PRKDC: variants seen among roughly 807,000 people sequenced by gnomAD.
PRKDC encodes protein kinase, DNA-activated, catalytic subunit, also known as DNA-dependent protein kinase catalytic subunit.
Under a neutral mutation model 486.9 loss-of-function variants are expected in PRKDC, and 82 were observed. The observed-to-expected ratio is 0.17, with a 90% CI of 0.14 to 0.20. The LOEUF (loss-of-function observed/expected upper bound fraction) is 0.20, where lower values mean the gene tolerates loss of function less well. Ranked by LOEUF, PRKDC falls within the 10% of genes least tolerant of loss-of-function variation. The pLI is 1.00. For missense variants in PRKDC, 4,504 were observed against 5,038.2 expected, an observed-to-expected ratio of 0.89 and a Z score of 3.21; for synonymous variants, 1,895 against 1,837.0, an observed-to-expected ratio of 1.03 and a Z score of -0.81.
At chr8:47,803,933 C>CAAAA (rs58802347) in intron 69 of PRKDC, among the ~76,000 whole-genome samples, 1 of 141,540 alleles carries the variant, frequency 7.1e-6, no homozygotes, top group Non-Finnish European at 1.5e-5. Flanking sequence ...AGCAAGTCTC[C>CAAAA]AAAAAAAAAA....
intron 1 of PRKDC, among the ~76,000 whole-genome samples, chr8:47,958,668 A>T (rs952338783): frequency 6.6e-6 from 1 of 152,030 alleles, no homozygotes; most frequent in African/African-American, 2.4e-5. Flanking sequence ...TTTTTGTTTG[A>T]TATTTCCCCA....
chr8:47,915,753 T>C (rs1006680210), intron 22 of PRKDC, among the ~76,000 whole-genome samples: 3 of 152,236 alleles, frequency 2.0e-5, no homozygotes, highest in African/African-American at 7.2e-5. Flanking sequence ...TCCACAGTAG[T>C]GCAGATCCGT....
At chr8:47,796,742 G>A (rs1383448027) in intron 73 of PRKDC, among the ~76,000 whole-genome samples, 1 of 151,704 alleles carries the variant, frequency 6.6e-6, no homozygotes, top group Non-Finnish European at 1.5e-5. Flanking sequence ...TGGGTTTACA[G>A]GTGCTCGCCA....
chr8:47,839,453 C>T (rs1391289918), intron 55 of PRKDC, among the ~76,000 whole-genome samples: 1 of 152,190 alleles, frequency 6.6e-6, no homozygotes, highest in Non-Finnish European at 1.5e-5. Flanking sequence ...CTGAGTGGAA[C>T]AGGAGGATGG....
At chr8:47,793,867 G>A (rs1036420434) in intron 74 of PRKDC, among the ~76,000 whole-genome samples, 5 of 152,128 alleles carry the variant, frequency 3.3e-5, no homozygotes, top group Non-Finnish European at 7.4e-5. Context: ...AAATAGTTGC[G>A]CACTACTGCT....
intron 31 of PRKDC, 124 bp from the exon 32 acceptor site, chr8:47,890,604 AG>A: frequency 1.7e-6 from 1 of 605,576 alleles, no homozygotes; most frequent in South Asian, 2.5e-5. Flanking sequence ...ATTTTTCAAA[AG>A]AAACAAACAG....
In PRKDC at chr8:47,800,969, T is replaced by C; in HGVS notation, c.9940A>G (p.Ser3314Gly). Residue 3314 changes from serine (S) to glycine (G), a missense_variant, in exon 71 of 86, where the codon AGC becomes GGC. Ser to Gly is a moderately conservative substitution (Grantham distance 56, BLOSUM62 0). Transcript: ENST00000314191. Reference sequence around the variant, plus strand: ...GCCAGAATATTTTTGCTTAAGTAGCTTGACACGTTGTTCTCATCTGTTGGA... The same window carrying C: ...GCCAGAATATTTTTGCTTAAGTAGCCTGACACGTTGTTCTCATCTGTTGGA... ...VSLLDENNVSSYLSKNILAFR... is the reference protein window; with the variant it reads ...VSLLDENNVSGYLSKNILAFR... 1 of 1,613,892 alleles carries C rather than the reference T, an allele frequency of 6.2e-7. No homozygotes were observed. The highest frequency in any genetic ancestry group is 8.5e-7 in the Non-Finnish European group (1 of 1,179,854).
At chr8:47,938,905 CTTTTT>C (rs917159753) in intron 11 of PRKDC, among the ~76,000 whole-genome samples, 2 of 151,574 alleles carry the variant, frequency 1.3e-5, no homozygotes, top group African/African-American at 2.4e-5. Context: ...GTCATATAAA[CTTTTT>C]TTTTAACTTC....
rs371227228 is a variant in PRKDC at position 47,829,833 on chromosome 8, G to A, written c.8397+772C>T. ...TTCACGGATTAGAAGCATCAATATC[G>A]TTAAAATGGCCATTCTGCTCAAGGC... On this transcript the variant is annotated intron_variant, in intron 61 of 85. Transcript: ENST00000314191. Among the ~76,000 whole-genome samples, 30 of 152,236 alleles carry A rather than the reference G, an allele frequency of 2.0e-4. 1 individual carries two copies. Among genetic ancestry groups the A allele is most frequent in the African/African-American group, 6.5e-4 (27 of 41,536 alleles).
chr8:47,810,663 T>C (rs551770465), intron 68 of PRKDC, among the ~76,000 whole-genome samples: 1 of 152,276 alleles, frequency 6.6e-6, no homozygotes, highest in South Asian at 2.1e-4. Flanking sequence ...TTAACTATGC[T>C]CCAGGAGGTC....
At chr8:47,849,353 C>T (rs367593043) in intron 53 of PRKDC, 26 bp downstream of exon 53, 46 of 1,613,700 alleles carry the variant, frequency 2.9e-5, no homozygotes, top group Middle Eastern at 1.6e-4. Context: ...CCTCCTGCCC[C>T]GAAAGGATCC....
At chr8:47,904,827 T>G in intron 26 of PRKDC, 42 bp downstream of exon 26, 1 of 1,347,188 alleles carries the variant, frequency 7.4e-7, no homozygotes, top group Non-Finnish European at 1.1e-6. Flanking sequence ...CAAATACAAC[T>G]AATCGATGGG....
chr8:47,798,498 G>T, intron 72 of PRKDC, 101 bp from the exon 73 acceptor site: 2 of 1,258,822 alleles, frequency 1.6e-6, no homozygotes, highest in Non-Finnish European at 2.1e-6. Context: ...CTTGTATTTT[G>T]TAGTGTCATT....
At chr8:47,894,734 TAC>T (rs1305288108) in intron 30 of PRKDC, among the ~76,000 whole-genome samples, 1 of 152,176 alleles carries the variant, frequency 6.6e-6, no homozygotes, top group Non-Finnish European at 1.5e-5. Context: ...GGACTGCTGC[TAC>T]ACAGTGAGCT....
At chr8:47,948,098 G>GCACACACACACA (rs141437463) in intron 7 of PRKDC, among the ~76,000 whole-genome samples, 59 of 140,284 alleles carry the variant, frequency 4.2e-4, no homozygotes, top group Admixed American at 1.6e-3. Flanking sequence ...AAATATATTT[G>GCACACACACACA]CACACACACA....
At chr8:47,778,214 C>T (rs953888292) in intron 83 of PRKDC, among the ~76,000 whole-genome samples, 1 of 152,188 alleles carries the variant, frequency 6.6e-6, no homozygotes, top group Non-Finnish European at 1.5e-5. Flanking sequence ...TTCTTAGAGT[C>T]TTCCTTTGAT....
chr8:47,879,743 C>A, intron 38 of PRKDC, 85 bp from the exon 39 acceptor site: 1 of 1,131,356 alleles, frequency 8.8e-7, no homozygotes, highest in Non-Finnish European at 1.2e-6. Context: ...TAAGACATTG[C>A]AAATAAAGCA....
At position 47,858,942 on chromosome 8, in the gene PRKDC, C is replaced by T. The variant is rs777799499; in HGVS notation, c.6252G>A (p.Glu2084=). 2.5e-6 allele frequency: 4 copies of T among 1,613,698 alleles called. No homozygotes were observed. The highest frequency in any genetic ancestry group is 2.2e-5 in the South Asian group (2 of 91,082). The change falls in exon 47 of 86, where the codon GAG becomes GAA. Residue 2084 remains glutamate, a synonymous_variant. Transcript: ENST00000314191. ...PTVHDDVLEL[E]MDELNRHECM... ...ACTCATGCCGATTGAGCTCGTCCAT[C>T]TCCAGCTCCAGCACATCATCATGCA...
At chr8:47,881,660 G>C in intron 37 of PRKDC, 140 bp from the exon 38 acceptor site, 1 of 616,038 alleles carries the variant, frequency 1.6e-6, no homozygotes. Context: ...CAATCTTATT[G>C]TAAAACATTG....
Sources: allele counts gnomAD v4.1 joint callset (sites outside exome capture counted in the v4.1 genomes callset), GRCh38; gene constraint gnomAD v4.1.1; transcripts MANE v1.5; gene names NCBI Gene and HGNC (gene_info 2026-07-23, HGNC 2026-07-21).